Variants in STXBP5L observed in about 807,000 individuals in gnomAD.
STXBP5L encodes the protein syntaxin-binding protein 5-like.
A neutral mutation model predicts 144.5 loss-of-function variants in STXBP5L; 65 were observed. The ratio of observed to expected loss-of-function variants is 0.45; its 90% confidence interval spans 0.37 to 0.55. The LOEUF (loss-of-function observed/expected upper bound fraction) is 0.55, where lower values mean the gene tolerates loss of function less well. STXBP5L is among the 20% of genes least tolerant of loss of function. STXBP5L has a pLI of 0.00. For synonymous variants in STXBP5L, 505 were observed against 469.6 expected (o/e 1.08, Z -0.97); for missense variants, 1,298 against 1,405.5 (o/e 0.92, Z 1.22).
At chr3:121,235,969 AG>A (rs1230644933) in intron 12 of STXBP5L, among the ~76,000 whole-genome samples, 1 of 152,144 alleles carries the variant, frequency 6.6e-6, no homozygotes, top group Non-Finnish European at 1.5e-5. Context: ...AAAAAAACAC[AG>A]TGTGTCAGAA....
At chr3:121,117,471 C>T (rs1387316513) in intron 6 of STXBP5L, among the ~76,000 whole-genome samples, 1 of 151,760 alleles carries the variant, frequency 6.6e-6, no homozygotes, top group South Asian at 2.1e-4. Flanking sequence ...TCTCCTGGAA[C>T]TGTCTTTTCA....
intron 5 of STXBP5L, among the ~76,000 whole-genome samples, chr3:121,089,058 A>T (rs1325688428): frequency 2.5e-5 from 3 of 118,414 alleles, no homozygotes; most frequent in Non-Finnish European, 3.5e-5. Context: ...TAACCTGCAC[A>T]ATGTGCACAT....
At chr3:121,340,843 G>C (rs2044684005) in intron 20 of STXBP5L, among the ~76,000 whole-genome samples, 1 of 151,998 alleles carries the variant, frequency 6.6e-6, no homozygotes, top group South Asian at 2.1e-4. Context: ...ACAACAAAAA[G>C]TTAAAAAGCA....
intron 9 of STXBP5L, among the ~76,000 whole-genome samples, chr3:121,180,115 C>A (rs1411041148): frequency 6.6e-6 from 1 of 152,118 alleles, no homozygotes; most frequent in East Asian, 1.9e-4. Context: ...CAAAAAAGAT[C>A]ATCACCAAGG....
intron 3 of STXBP5L, among the ~76,000 whole-genome samples, chr3:120,967,861 A>T (rs965616766): frequency 6.6e-6 from 1 of 152,146 alleles, no homozygotes; most frequent in African/African-American, 2.4e-5. Flanking sequence ...TCATTAAACC[A>T]TTCATTGTTT....
At chr3:121,340,949 G>C (rs933781803) in intron 20 of STXBP5L, among the ~76,000 whole-genome samples, 1 of 151,808 alleles carries the variant, frequency 6.6e-6, no homozygotes, top group Non-Finnish European at 1.5e-5. Context: ...TAAAATCATG[G>C]ATTATAAGAT....
intron 5 of STXBP5L, among the ~76,000 whole-genome samples, chr3:121,074,524 A>G (rs904161651): frequency 2.0e-5 from 3 of 152,144 alleles, no homozygotes; most frequent in African/African-American, 2.4e-5. Flanking sequence ...CACACTGGGT[A>G]AGTGCCCCGC....
chr3:121,079,437 C>A (rs572015338), intron 5 of STXBP5L, among the ~76,000 whole-genome samples: 1 of 152,192 alleles, frequency 6.6e-6, no homozygotes, highest in Admixed American at 6.5e-5. Flanking sequence ...GGTTCACTGT[C>A]CACAGCGAGA....
intron 22 of STXBP5L, among the ~76,000 whole-genome samples, chr3:121,383,499 A>ACTAT (rs1390646867): frequency 6.6e-6 from 1 of 152,156 alleles, no homozygotes. Flanking sequence ...AACTCTTTAT[A>ACTAT]CTATCTGTTA....
chr3:120,910,044 GTAT>G, intron 2 of STXBP5L, among the ~76,000 whole-genome samples: 1 of 152,296 alleles, frequency 6.6e-6, no homozygotes, highest in East Asian at 1.9e-4. Flanking sequence ...TAATATTTGT[GTAT>G]TATATTAACT....
rs561744891 is a variant in STXBP5L, at chr3:121,039,818, C to A, written c.288-1882C>A. ...CATTGACCCACAGTTCAATGGTGTG[C>A]TGTTCTTTCTCTACCCCTCAGTGAT... On this transcript the variant is annotated intron_variant, in intron 3 of 26. Transcript: ENST00000471454. Among the ~76,000 whole-genome samples the A allele has an allele frequency of 2.0e-5, 3 of 152,010 alleles. No homozygotes were observed. In the South Asian group the frequency reaches 6.2e-4, roughly 32 times the overall value.
chr3:121,404,805 AC>A (rs1381148581), intron 22 of STXBP5L, among the ~76,000 whole-genome samples: 1 of 152,116 alleles, frequency 6.6e-6, no homozygotes, highest in Non-Finnish European at 1.5e-5. Context: ...CCTAATTCCC[AC>A]AGGATGATGA....
intron 22 of STXBP5L, among the ~76,000 whole-genome samples, chr3:121,406,723 T>C (rs1297667660): frequency 6.6e-6 from 1 of 152,072 alleles, no homozygotes; most frequent in African/African-American, 2.4e-5. Context: ...TTCTTCTTGT[T>C]TGATTTTGAA....
At chr3:121,022,146 G>C (rs1945604046) in intron 3 of STXBP5L, among the ~76,000 whole-genome samples, 1 of 152,048 alleles carries the variant, frequency 6.6e-6, no homozygotes, top group Admixed American at 6.6e-5. Context: ...ACACCTTTAT[G>C]TGCATAAACT....
At chr3:121,031,161 A>G (rs1054494056) in intron 3 of STXBP5L, among the ~76,000 whole-genome samples, 13 of 152,132 alleles carry the variant, frequency 8.5e-5, no homozygotes, top group Non-Finnish European at 1.8e-4. Context: ...AGGAATTTGA[A>G]TATTATTCTC....
intron 19 of STXBP5L, among the ~76,000 whole-genome samples, chr3:121,301,904 C>T (rs1279205497): frequency 6.6e-6 from 1 of 152,142 alleles, no homozygotes; most frequent in Non-Finnish European, 1.5e-5. Flanking sequence ...GCCCACTTGA[C>T]TATGGTGGAT....
At chr3:121,386,715 C>T (rs1046729603) in intron 22 of STXBP5L, among the ~76,000 whole-genome samples, 3 of 152,130 alleles carry the variant, frequency 2.0e-5, no homozygotes, top group African/African-American at 7.2e-5. Context: ...TCATCAATGT[C>T]CCTGCAAAGG....
chr3:121,136,308 C>T (rs560936948), intron 7 of STXBP5L, among the ~76,000 whole-genome samples: 1 of 152,090 alleles, frequency 6.6e-6, no homozygotes, highest in African/African-American at 2.4e-5. Flanking sequence ...CAGATCCCTC[C>T]CCACCACAGC....
At chr3:121,319,998 T>C (rs1254665704) in intron 20 of STXBP5L, among the ~76,000 whole-genome samples, 1 of 152,178 alleles carries the variant, frequency 6.6e-6, no homozygotes, top group African/African-American at 2.4e-5. Context: ...TTAAAGATCA[T>C]TATAGCTGTT....
Sources: allele counts gnomAD v4.1 joint callset (sites outside exome capture counted in the v4.1 genomes callset), GRCh38; gene constraint gnomAD v4.1.1; transcripts MANE v1.5; gene names NCBI Gene and HGNC (gene_info 2026-07-23, HGNC 2026-07-21).